The following PARN variants were observed in gnomAD, a reference collection of about 807,000 sequenced individuals.
PARN encodes poly(A)-specific ribonuclease, also known as poly(A)-specific ribonuclease PARN.
PARN carries 71 observed loss-of-function variants against 102.8 expected under a neutral mutation model. The ratio of observed to expected loss-of-function variants is 0.69; its 90% CI spans 0.57 to 0.84. The LOEUF (loss-of-function observed/expected upper bound fraction) is 0.84, where lower values mean the gene tolerates loss of function less well. PARN is among the 40% of genes least tolerant of loss of function. The probability of loss-of-function intolerance (pLI) is 0.00; values close to 1 mark genes in which losing one functional copy is unlikely to be tolerated. For synonymous variants in PARN, 261 were observed against 252.9 expected, an observed-to-expected ratio of 1.03 and a Z score of -0.30; for missense variants, 782 against 760.9, an observed-to-expected ratio of 1.03 and a Z score of -0.33.
chr16:14,473,136 T>C lies in PARN; in HGVS notation c.1670+9502A>G, dbSNP rs187945520. ...TGTTCAAAGTTGGTAAGTCAAGAAA[T>C]GGAGGTATTTAAAGGAATAACAGAA... On this transcript the variant is annotated intron_variant, in intron 22 of 23. Coordinates refer to ENST00000437198, the MANE Select transcript of PARN (RefSeq NM_002582.4). 6.6e-5 allele frequency among the ~76,000 whole-genome samples: 10 copies of C among 152,194 alleles called. No homozygotes were observed. The East Asian group carries it at 1.7e-3, about 26-fold the overall frequency.
intron 5 of PARN, among the ~76,000 whole-genome samples, chr16:14,622,921 T>C (rs1972409166): frequency 6.6e-6 from 1 of 151,842 alleles, no homozygotes; most frequent in Non-Finnish European, 1.5e-5. Flanking sequence ...CAAGGCAACA[T>C]GGTAAAACCT....
chr16:14,504,848 T>A (rs1311244407), intron 21 of PARN, among the ~76,000 whole-genome samples: 1 of 152,176 alleles, frequency 6.6e-6, no homozygotes, highest in Non-Finnish European at 1.5e-5. Flanking sequence ...ATATGGGTAT[T>A]TTCCTATATG....
chr16:14,459,959 G>T (rs921263051), intron 22 of PARN, among the ~76,000 whole-genome samples: 4 of 152,086 alleles, frequency 2.6e-5, no homozygotes, highest in African/African-American at 9.7e-5. Flanking sequence ...TCATACCCAT[G>T]CCTCATAACC....
intron 23 of PARN, among the ~76,000 whole-genome samples, chr16:14,444,325 C>T (rs563484679): frequency 1.4e-4 from 21 of 151,282 alleles, no homozygotes; most frequent in East Asian, 3.9e-4. Flanking sequence ...TTTGGCAGCA[C>T]TGACAAAGAA....
At chr16:14,475,126 C>G (rs1472589128) in intron 22 of PARN, among the ~76,000 whole-genome samples, 1 of 152,122 alleles carries the variant, frequency 6.6e-6, no homozygotes, top group Non-Finnish European at 1.5e-5. Flanking sequence ...AAGAGACTGG[C>G]CAATGGGATT....
At chr16:14,601,439 C>T (rs887459067) in intron 11 of PARN, among the ~76,000 whole-genome samples, 13 of 151,944 alleles carry the variant, frequency 8.6e-5, no homozygotes, top group African/African-American at 3.1e-4. Context: ...TTGCCAGGGG[C>T]TGGGTGTCAG....
chr16:14,556,544 C>A (rs1440936333), intron 18 of PARN, among the ~76,000 whole-genome samples: 2 of 152,284 alleles, frequency 1.3e-5, no homozygotes, highest in African/African-American at 4.8e-5. Context: ...AAAAAACAAA[C>A]AAGCAACAAA....
intron 22 of PARN, among the ~76,000 whole-genome samples, chr16:14,479,267 T>A (rs1330485280): frequency 6.6e-6 from 1 of 151,862 alleles, no homozygotes; most frequent in Non-Finnish European, 1.5e-5. Flanking sequence ...AAAAAATTTT[T>A]AAAAATTAGC....
At chr16:14,627,006 C>T in intron 5 of PARN, 100 bp downstream of exon 5, 5 of 709,364 alleles carry the variant, frequency 7.0e-6, no homozygotes, top group Non-Finnish European at 1.2e-5. Flanking sequence ...AATGATTTGC[C>T]CCAAAGCCCA....
At chr16:14,542,214 C>T (rs1966845636) in intron 21 of PARN, among the ~76,000 whole-genome samples, 1 of 151,992 alleles carries the variant, frequency 6.6e-6, no homozygotes, top group Admixed American at 6.5e-5. Context: ...CTATGTTGCC[C>T]AGGCTGGTCT....
intron 21 of PARN, among the ~76,000 whole-genome samples, chr16:14,496,399 TGGCA>T (rs1477943539): frequency 6.6e-6 from 1 of 152,080 alleles, no homozygotes; most frequent in Admixed American, 6.6e-5. Flanking sequence ...GATGGGAGTT[TGGCA>T]AAAAGTTTAG....
At chr16:14,488,435 A>G (rs548599283) in intron 21 of PARN, among the ~76,000 whole-genome samples, 1 of 152,388 alleles carries the variant, frequency 6.6e-6, no homozygotes, top group South Asian at 2.1e-4. Flanking sequence ...CACTTTAAAG[A>G]GAAGAAAGAC....
chr16:14,457,171 T>C (rs1382701509), intron 22 of PARN, among the ~76,000 whole-genome samples: 1 of 152,198 alleles, frequency 6.6e-6, no homozygotes, highest in Non-Finnish European at 1.5e-5. Flanking sequence ...TGAACATAGT[T>C]TACATTCCAG....
chr16:14,451,891 A>T (rs926009234), intron 22 of PARN, among the ~76,000 whole-genome samples: 8 of 116,974 alleles, frequency 6.8e-5, no homozygotes, highest in Admixed American at 4.7e-4. Flanking sequence ...AAAAAAAAAA[A>T]ATACAAAAAA....
At chr16:14,598,910 A>T (rs907434384) in intron 12 of PARN, among the ~76,000 whole-genome samples, 2 of 152,150 alleles carry the variant, frequency 1.3e-5, no homozygotes, top group Non-Finnish European at 2.9e-5. Flanking sequence ...TCCCAGGCCA[A>T]CTGCTCAAAT....
chr16:14,451,869 C>CAAAAAAAAAAAAAAAAAAAAAA (rs869041563), intron 22 of PARN, among the ~76,000 whole-genome samples: 19 of 52,494 alleles, frequency 3.6e-4, no homozygotes, highest in Non-Finnish European at 4.5e-4. Flanking sequence ...AAAAAAAATA[C>CAAAAAAAAAAAAAAAAAAAAAA]AAAAAAAAAA....
intron 21 of PARN, among the ~76,000 whole-genome samples, chr16:14,542,558 CA>C (rs1208288632): frequency 5.9e-5 from 8 of 135,798 alleles, no homozygotes. Flanking sequence ...GCCAGGAACT[CA>C]AAAAAATTAA....
intron 12 of PARN, among the ~76,000 whole-genome samples, chr16:14,595,450 A>C (rs1201103931): frequency 6.6e-6 from 1 of 151,888 alleles, no homozygotes; most frequent in Non-Finnish European, 1.5e-5. Flanking sequence ...ATGCAGCCTC[A>C]AACTCCCATG....
chr16:14,515,402 T>C (rs4395094), intron 21 of PARN, among the ~76,000 whole-genome samples: 26,044 of 152,160 alleles, frequency 0.17, 2,583 homozygotes, highest in Middle Eastern at 0.26. Flanking sequence ...TAAACATATG[T>C]AGATGGAAAT....
Sources: gnomAD v4.1 joint callset for allele counts (sites outside exome capture counted in the v4.1 genomes callset) on GRCh38, gnomAD v4.1.1 for gene constraint, MANE v1.5 for transcripts, NCBI Gene and HGNC (gene_info 2026-07-23, HGNC 2026-07-21) for gene names.